The following KCNIP4 variants were observed in gnomAD, a reference collection of about 807,000 sequenced individuals.
The protein encoded by KCNIP4 is potassium voltage-gated channel interacting protein 4.
A neutral mutation model predicts 34.0 loss-of-function variants in KCNIP4; 12 were observed. The observed-to-expected ratio is 0.35, with a 90% CI of 0.23 to 0.57. KCNIP4 has a LOEUF of 0.57. Ranked by LOEUF, KCNIP4 falls within the 20% of genes least tolerant of loss-of-function variation. KCNIP4 has a pLI of 0.83. For synonymous variants in KCNIP4, 124 were observed against 102.2 expected (o/e 1.21, Z -1.29); for missense variants, 238 against 311.7 (o/e 0.76, Z 1.78).
At chr4:20,741,535 C>T (rs1751102521) in intron 5 of KCNIP4, among the ~76,000 whole-genome samples, 1 of 152,268 alleles carries the variant, frequency 6.6e-6, no homozygotes, top group South Asian at 2.1e-4. Context: ...AACAAAGACA[C>T]AACGTACCAG....
At chr4:21,758,684 A>T (rs762084128) in intron 1 of KCNIP4, among the ~76,000 whole-genome samples, 7 of 152,118 alleles carry the variant, frequency 4.6e-5, no homozygotes, top group Non-Finnish European at 7.4e-5. Flanking sequence ...TGGACTCATT[A>T]TCTAGGCACC....
In KCNIP4 at chr4:21,411,499, T is replaced by C. The variant is rs549229024; in HGVS notation, c.62-528790A>G. Among the ~76,000 whole-genome samples, 5 of 152,278 alleles carry C rather than the reference T, an allele frequency of 3.3e-5. No individual in the cohort carries two copies. The South Asian group carries it at 1.0e-3, about 32-fold the overall frequency. On this transcript the variant is annotated intron_variant, in intron 1 of 8. Coordinates refer to ENST00000382152, the MANE Select transcript of KCNIP4 (RefSeq NM_025221.6). ...AACAGTGAAGACCAAAGAAAATGTC[T>C]TTCCTCAGTTCCTGTTAATAAGGAG...
In KCNIP4 at chr4:21,095,461, A is replaced by G. The variant is rs151117145; in HGVS notation, c.62-212752T>C. On this transcript the variant is annotated intron_variant, in intron 1 of 8. Transcript: ENST00000382152. ...TTCTTATCAGTCACTCTAGGCATGGATCTAATCTAAATTATTTTTAAAATA... is the reference window on the plus strand; with the variant it reads ...TTCTTATCAGTCACTCTAGGCATGGGTCTAATCTAAATTATTTTTAAAATA... Among the ~76,000 whole-genome samples the G allele has an allele frequency of 2.8e-3, 422 of 152,324 alleles. 2 individuals carry two copies. The highest frequency in any genetic ancestry group is 0.01 in the Middle Eastern group (3 of 294).
At chr4:21,744,241 C>A (rs1314508815) in intron 1 of KCNIP4, among the ~76,000 whole-genome samples, 3 of 152,158 alleles carry the variant, frequency 2.0e-5, no homozygotes, top group Admixed American at 2.0e-4. Flanking sequence ...TGCCTACAAC[C>A]CCTTGGTGAA....
At chr4:20,824,849 A>G (rs569869138) in intron 3 of KCNIP4, among the ~76,000 whole-genome samples, 2 of 152,258 alleles carry the variant, frequency 1.3e-5, no homozygotes, top group East Asian at 3.9e-4. Flanking sequence ...ACTACTTAAT[A>G]CATATCCTAG....
At chr4:21,544,605 C>G (rs967683283) in intron 1 of KCNIP4, 1 of 152,192 alleles carries the variant, frequency 6.6e-6, no homozygotes, top group Admixed American at 6.6e-5. Context: ...GGGTGCTGCT[C>G]TCTGCAACCA....
chr4:21,548,713 G>C (rs1412134429), intron 1 of KCNIP4, among the ~76,000 whole-genome samples: 1 of 151,910 alleles, frequency 6.6e-6, no homozygotes, highest in Admixed American at 6.6e-5. Context: ...CAATTACTTG[G>C]GCAGAATGGG....
In KCNIP4 at chr4:21,449,764, C is replaced by T. The variant is rs183585980; in HGVS notation, c.61+498807G>A. 3.2e-3 allele frequency among the ~76,000 whole-genome samples: 480 copies of T among 152,022 alleles called. 5 individuals are homozygous for T. Among genetic ancestry groups the T allele is most frequent in the African/African-American group, 0.011 (457 of 41,448 alleles). On this transcript the variant is annotated intron_variant, in intron 1 of 8. Transcript: ENST00000382152. ...TTTTTTCACTGCTGTATCCCTGGTG[C>T]TGTGAATAGTGGTACTGGTACATAA...
chr4:21,797,821 T>G (rs1187148983), intron 1 of KCNIP4, among the ~76,000 whole-genome samples: 1 of 152,134 alleles, frequency 6.6e-6, no homozygotes, highest in African/African-American at 2.4e-5. Flanking sequence ...TTAACAAAAA[T>G]GGTTTGATAG....
chr4:20,862,321 T>C (rs1015900165), intron 2 of KCNIP4, among the ~76,000 whole-genome samples: 2 of 152,086 alleles, frequency 1.3e-5, no homozygotes, highest in Non-Finnish European at 2.9e-5. Context: ...AGGGTCTTAA[T>C]TGATTTTTGG....
chr4:21,433,663 G>A (rs1242648807), intron 1 of KCNIP4, among the ~76,000 whole-genome samples: 1 of 152,040 alleles, frequency 6.6e-6, no homozygotes, highest in East Asian at 1.9e-4. Flanking sequence ...TCAGTAATTG[G>A]TACCTTAATT....
chr4:21,578,985 T>G (rs1228996449), intron 1 of KCNIP4, among the ~76,000 whole-genome samples: 1 of 152,202 alleles, frequency 6.6e-6, no homozygotes, highest in Non-Finnish European at 1.5e-5. Flanking sequence ...CTACTCAACA[T>G]TTGTTTCTGC....
At chr4:21,561,351 A>T (rs944824960) in intron 1 of KCNIP4, among the ~76,000 whole-genome samples, 10 of 152,126 alleles carry the variant, frequency 6.6e-5, no homozygotes, top group Admixed American at 1.3e-4. Context: ...CCCTGATAGA[A>T]AGAAAAGAAA....
chr4:21,507,915 T>C (rs1191736183), intron 1 of KCNIP4, among the ~76,000 whole-genome samples: 3 of 152,234 alleles, frequency 2.0e-5, no homozygotes, highest in Non-Finnish European at 4.4e-5. Flanking sequence ...TTTTAAAATT[T>C]CTGCAATTCC....
intron 2 of KCNIP4, among the ~76,000 whole-genome samples, chr4:20,863,997 T>C (rs10433821): frequency 0.2 from 30,943 of 151,452 alleles, 3,375 homozygotes; most frequent in South Asian, 0.35. Flanking sequence ...TAACTAGATA[T>C]ACGTACATGT....
At chr4:21,122,721 C>A (rs897989107) in intron 1 of KCNIP4, among the ~76,000 whole-genome samples, 6 of 152,076 alleles carry the variant, frequency 3.9e-5, no homozygotes, top group African/African-American at 1.4e-4. Context: ...GAGAAGGGCA[C>A]ACATGTGAAG....
intron 1 of KCNIP4, among the ~76,000 whole-genome samples, chr4:21,206,128 G>T (rs192717209): frequency 2.0e-5 from 3 of 152,120 alleles, no homozygotes; most frequent in African/African-American, 4.8e-5. Flanking sequence ...TTTGCTTCCT[G>T]TCGCGTCTAG....
chr4:21,563,770 G>A (rs16871434), intron 1 of KCNIP4, among the ~76,000 whole-genome samples: 8,763 of 152,024 alleles, frequency 0.058, 555 homozygotes, highest in East Asian at 0.17. Context: ...TAGAAGTGAC[G>A]CTATTTGAAC....
At chr4:21,847,886 A>C (rs1441117649) in intron 1 of KCNIP4, 1 of 150,870 alleles carries the variant, frequency 6.6e-6, no homozygotes, top group Non-Finnish European at 1.5e-5. Flanking sequence ...TATTTTTTTA[A>C]TTGGTCATTA....
Sources: gnomAD v4.1 joint callset for allele counts (sites outside exome capture counted in the v4.1 genomes callset) on GRCh38, gnomAD v4.1.1 for gene constraint, MANE v1.5 for transcripts, NCBI Gene and HGNC (gene_info 2026-07-23, HGNC 2026-07-21) for gene names.